The following GLRA1 variants were observed in gnomAD, a reference collection of about 807,000 sequenced individuals.
The protein encoded by GLRA1 is glycine receptor subunit alpha-1.
A neutral mutation model predicts 48.3 loss-of-function variants in GLRA1; 37 were observed. The ratio of observed to expected loss-of-function variants is 0.77; its 90% CI spans 0.59 to 1.01. GLRA1 has a LOEUF of 1.01. Ranked by LOEUF, GLRA1 falls within the 50% of genes least tolerant of loss-of-function variation. The probability of loss-of-function intolerance (pLI) is 0.00; values close to 1 mark genes in which losing one functional copy is unlikely to be tolerated. For synonymous variants in GLRA1, 196 were observed against 210.7 expected, an observed-to-expected ratio of 0.93 and a Z score of 0.60; for missense variants, 427 against 571.0, an observed-to-expected ratio of 0.75 and a Z score of 2.57.
At chr5:151,837,183 T>G (rs529251866) in intron 7 of GLRA1, among the ~76,000 whole-genome samples, 9 of 152,208 alleles carry the variant, frequency 5.9e-5, no homozygotes, top group Non-Finnish European at 1.0e-4. Context: ...AAAGAAGACA[T>G]TTATGCAGTC....
intron 1 of GLRA1, among the ~76,000 whole-genome samples, chr5:151,906,563 G>A (rs1325946846): frequency 6.6e-6 from 1 of 152,250 alleles, no homozygotes. Flanking sequence ...GCTCAGAGAA[G>A]TCTTAGGCAG....
intron 2 of GLRA1, 72 bp downstream of exon 2, chr5:151,892,239 A>C: frequency 7.0e-7 from 1 of 1,424,062 alleles, no homozygotes; most frequent in Non-Finnish European, 9.9e-7. Context: ...ATCTGCGTGC[A>C]TTACCATGCT....
chr5:151,905,152 A>T (rs979833138), intron 1 of GLRA1, among the ~76,000 whole-genome samples: 14 of 152,150 alleles, frequency 9.2e-5, no homozygotes, highest in Non-Finnish European at 1.9e-4. Context: ...GATTCTTTCA[A>T]CTCTTAAAAA....
intron 1 of GLRA1, among the ~76,000 whole-genome samples, chr5:151,922,496 A>G (rs1044096358): frequency 2.6e-5 from 4 of 152,208 alleles, no homozygotes; most frequent in African/African-American, 7.2e-5. Context: ...AGCCGTTCCT[A>G]TATTTTGAAA....
At chr5:151,850,934 A>G (rs1752888826) in intron 7 of GLRA1, 1 of 506,014 alleles carries the variant, frequency 2.0e-6, no homozygotes, top group Non-Finnish European at 3.6e-6. Flanking sequence ...TAAAAAATAA[A>G]TAAATCTTAG....
chr5:151,869,613 G>A (rs1753424572), intron 3 of GLRA1, among the ~76,000 whole-genome samples: 1 of 148,492 alleles, frequency 6.7e-6, no homozygotes, highest in Non-Finnish European at 1.5e-5. Context: ...TACCTGTGAG[G>A]CTGAGGGGGC....
At chr5:151,832,674 T>G (rs753866727) in intron 7 of GLRA1, among the ~76,000 whole-genome samples, 2 of 152,172 alleles carry the variant, frequency 1.3e-5, no homozygotes, top group Non-Finnish European at 1.5e-5. Context: ...CTACGTTCAG[T>G]TGGTGTACCT....
intron 7 of GLRA1, among the ~76,000 whole-genome samples, chr5:151,842,603 A>G (rs1581607649): frequency 6.6e-6 from 1 of 152,178 alleles, no homozygotes; most frequent in African/African-American, 2.4e-5. Flanking sequence ...ACTTCCTCAA[A>G]CTGTAAAGGG....
intron 1 of GLRA1, among the ~76,000 whole-genome samples, chr5:151,923,204 G>T (rs1754922360): frequency 6.6e-6 from 1 of 152,186 alleles, no homozygotes; most frequent in African/African-American, 2.4e-5. Context: ...AAGGGGGGAT[G>T]CCTTTTCTTC....
chr5:151,849,129 TTTC>T lies in GLRA1; in HGVS notation c.912+2258_912+2260del, dbSNP rs1253004858. 25 of 208,636 alleles carry T rather than the reference TTTC, an allele frequency of 1.2e-4. 2 individuals carry two copies. Among genetic ancestry groups the T allele is most frequent in the African/African-American group, 1.1e-3 (23 of 21,446 alleles). 12.9% of individuals were successfully genotyped at this position (208,636 alleles called of 1,614,324 possible). On this transcript the variant is annotated intron_variant, in intron 7 of 8. Transcript: ENST00000274576. Reference sequence around the variant, plus strand: ...TTTTCTTTCTTTCTTTCTTTCTTTCTTTCTTTCTTTCTTTCTTTCTTTCTTTTC... The same window carrying T: ...TTTTCTTTCTTTCTTTCTTTCTTTCTTTTCTTTCTTTCTTTCTTTCTTTTC...
At chr5:151,921,635 G>C (rs1434681919) in intron 1 of GLRA1, among the ~76,000 whole-genome samples, 5 of 152,142 alleles carry the variant, frequency 3.3e-5, no homozygotes, top group African/African-American at 1.2e-4. Flanking sequence ...CCTCTGTAAG[G>C]GCTCTGGGGA....
intron 7 of GLRA1, among the ~76,000 whole-genome samples, chr5:151,844,638 A>AAAAAG (rs1752617349): frequency 2.0e-5 from 3 of 149,274 alleles, no homozygotes; most frequent in Non-Finnish European, 3.0e-5. Context: ...AAAAAAAAAA[A>AAAAAG]AAAGAAAAAG....
At chr5:151,900,017 G>A (rs1754324727) in intron 1 of GLRA1, among the ~76,000 whole-genome samples, 1 of 152,182 alleles carries the variant, frequency 6.6e-6, no homozygotes, top group African/African-American at 2.4e-5. Flanking sequence ...TTCTGCCTCT[G>A]ACCCTAAGGA....
rs1279846576 is a variant in GLRA1 at position 151,849,148 on chromosome 5, C to CTTTCTTTCTTTCTTTCTTTCT, written c.912+2241_912+2242insAGAAAGAAAGAAAGAAAGAAA. 7 of 142,934 alleles carry CTTTCTTTCTTTCTTTCTTTCT rather than the reference C, an allele frequency of 4.9e-5. 1 individual carries two copies. Among genetic ancestry groups the CTTTCTTTCTTTCTTTCTTTCT allele is most frequent in the East Asian group, 9.8e-5 (1 of 10,230 alleles). The allele number at this position is 142,934 out of a possible 1,614,324, so 8.9% of individuals were successfully genotyped here. ...TCTTTCTTTCTTTCTTTCTTTCTTT[C>CTTTCTTTCTTTCTTTCTTTCT]TTTCTTTTCTTTTCTTTTCTTTCTT... On this transcript the variant is annotated intron_variant, in intron 7 of 8. Transcript: ENST00000274576.
intron 1 of GLRA1, among the ~76,000 whole-genome samples, chr5:151,907,969 G>A (rs1754517893): frequency 6.6e-6 from 1 of 152,190 alleles, no homozygotes. Context: ...CATAGCCTGG[G>A]AATATGCTAA....
chr5:151,907,319 G>C (rs936657758), intron 1 of GLRA1, among the ~76,000 whole-genome samples: 2 of 152,130 alleles, frequency 1.3e-5, no homozygotes, highest in African/African-American at 2.4e-5. Flanking sequence ...TGGCGACACT[G>C]TCTACTCACT....
At chr5:151,824,532 C>G (rs945640140) in intron 8 of GLRA1, among the ~76,000 whole-genome samples, 1 of 152,062 alleles carries the variant, frequency 6.6e-6, no homozygotes, top group African/African-American at 2.4e-5. Context: ...GAAATATTTC[C>G]TTATATTTGA....
chr5:151,861,544 C>A (rs1753204518), intron 3 of GLRA1, among the ~76,000 whole-genome samples: 1 of 152,184 alleles, frequency 6.6e-6, no homozygotes, highest in African/African-American at 2.4e-5. Context: ...ATTGTCTGTT[C>A]ATATCCTTCA....
intron 1 of GLRA1, among the ~76,000 whole-genome samples, chr5:151,893,159 G>A (rs1202846922): frequency 6.6e-6 from 1 of 152,134 alleles, no homozygotes; most frequent in Admixed American, 6.5e-5. Context: ...AAACAGGGAT[G>A]CATTACACTG....
Sources: gnomAD v4.1 joint callset for allele counts (sites outside exome capture counted in the v4.1 genomes callset) on GRCh38, gnomAD v4.1.1 for gene constraint, MANE v1.5 for transcripts, NCBI Gene and HGNC (gene_info 2026-07-23, HGNC 2026-07-21) for gene names.